The following ADAM28 variants were observed in gnomAD, a reference collection of about 807,000 sequenced individuals.
The protein encoded by ADAM28 is ADAM metallopeptidase domain 28, also known as disintegrin and metalloproteinase domain-containing protein 28.
A neutral mutation model predicts 101.2 loss-of-function variants in ADAM28; 105 were observed. The observed-to-expected ratio is 1.04, with a 90% CI of 0.89 to 1.22. ADAM28 has a LOEUF of 1.22. Ranked by LOEUF, ADAM28 falls within the 50% of genes most tolerant of loss-of-function variation. The pLI is 0.00. For missense variants in ADAM28, 1,028 were observed against 945.4 expected, an observed-to-expected ratio of 1.09 and a Z score of -1.15; for synonymous variants, 322 against 310.6, an observed-to-expected ratio of 1.04 and a Z score of -0.39.
intron 2 of ADAM28, among the ~76,000 whole-genome samples, chr8:24,304,116 T>C (rs1013393157): frequency 6.6e-6 from 1 of 151,480 alleles, no homozygotes; most frequent in African/African-American, 2.4e-5. Flanking sequence ...AAGTGAAGTG[T>C]TTTTAATCAC....
Position 24,356,617 on chromosome 8 carries a change from C to G in ADAM28, c.*2213C>G, listed in dbSNP as rs140292306. On this transcript the variant is annotated 3_prime_UTR_variant, in exon 23 of 23. Transcript: ENST00000265769. ...CAACTGCAGAATAGTTTAGAACAGA[C>G]TTTTTGATTTCACAATACTGTTTCC... The G allele has an allele frequency of 3.8e-3, 580 of 152,228 alleles. 2 individuals carry two copies. Among genetic ancestry groups the G allele is most frequent in the African/African-American group, 0.013 (553 of 41,550 alleles). 9.4% of individuals were successfully genotyped at this position (152,228 alleles called of 1,614,324 possible).
intron 2 of ADAM28, among the ~76,000 whole-genome samples, chr8:24,305,741 A>C (rs1809520897): frequency 1.3e-5 from 2 of 152,158 alleles, no homozygotes; most frequent in South Asian, 4.1e-4. Context: ...TTACATTTCC[A>C]AGTTCTCTCC....
rs747916878 is a variant in ADAM28 at position 24,339,446 on chromosome 8, C to T, written c.1568-20C>T. 3.2e-6 allele frequency: 5 copies of T among 1,581,062 alleles called. No homozygotes were observed. Among genetic ancestry groups the T allele is most frequent in the Admixed American group, 1.7e-5 (1 of 58,896 alleles). On this transcript the variant is annotated intron_variant, in intron 14 of 22. Transcript: ENST00000265769. ...TCAAAAATCTATTTTCTTTTCCCTG[C>T]TGACTGATCCTGGTCCCAGGAACTG...
intron 9 of ADAM28, among the ~76,000 whole-genome samples, chr8:24,325,292 TC>T (rs1812391046): frequency 6.6e-6 from 1 of 151,938 alleles, no homozygotes; most frequent in South Asian, 2.1e-4. Context: ...AAGAATAGAT[TC>T]CTTGAAGAGA....
At chr8:24,345,688 C>A (rs1479020162) in intron 18 of ADAM28, among the ~76,000 whole-genome samples, 2 of 151,762 alleles carry the variant, frequency 1.3e-5, no homozygotes. Flanking sequence ...TATTTTATAC[C>A]TAATCTTTTG....
chr8:24,333,691 G>T (rs111993959), intron 13 of ADAM28, among the ~76,000 whole-genome samples: 2,162 of 152,160 alleles, frequency 0.014, 54 homozygotes, highest in African/African-American at 0.049. Context: ...GGTGGAAGAG[G>T]TTTTATTCTG....
At chr8:24,329,245 G>A (rs1253753534) in intron 10 of ADAM28, among the ~76,000 whole-genome samples, 2 of 152,220 alleles carry the variant, frequency 1.3e-5, no homozygotes, top group Non-Finnish European at 2.9e-5. Context: ...TGCCACTCTT[G>A]TACTGTTCTT....
At chr8:24,339,689 A>G in intron 15 of ADAM28, 121 bp downstream of exon 15, 2 of 839,088 alleles carry the variant, frequency 2.4e-6, no homozygotes, top group South Asian at 3.5e-5. Flanking sequence ...TCATTTGACA[A>G]ACATTTATTG....
At chr8:24,323,739 G>A in intron 8 of ADAM28, 95 bp from the exon 9 acceptor site, 1 of 1,254,172 alleles carries the variant, frequency 8.0e-7, no homozygotes, top group Non-Finnish European at 1.1e-6. Flanking sequence ...TTATACTGCT[G>A]TGATGAATGT....
intron 4 of ADAM28, 38 bp downstream of exon 4, chr8:24,310,279 T>G (rs1471790359): frequency 6.3e-7 from 1 of 1,584,688 alleles, no homozygotes; most frequent in South Asian, 1.1e-5. Flanking sequence ...ATTAGGGTTT[T>G]ACCCACAGAC....
At chr8:24,299,919 G>A in intron 1 of ADAM28, 55 bp from the exon 2 acceptor site, 1 of 1,402,858 alleles carries the variant, frequency 7.1e-7, no homozygotes, top group Non-Finnish European at 9.9e-7. Flanking sequence ...GGCCTTTACT[G>A]ACCAGCCTAC....
chr8:24,326,557 A>G lies in ADAM28; in HGVS notation c.894A>G (p.Ala298=), dbSNP rs960873144. ...KRHDIAQLIT[A]TELAGTTVGL... Reference sequence around the variant, plus strand: ...TCAATTTATTCCTTTCTTGCAGAGCAACAGAACTTGCTGGAACGACTGTGG... The same window carrying G: ...TCAATTTATTCCTTTCTTGCAGAGCGACAGAACTTGCTGGAACGACTGTGG... Residue 298 remains alanine, a synonymous_variant, in exon 10 of 23, where the codon GCA becomes GCG. Transcript: ENST00000265769. 6.2e-7 allele frequency: 1 copy of G among 1,611,568 alleles called. No homozygotes were observed. The highest frequency in any genetic ancestry group is 1.3e-5 in the African/African-American group (1 of 74,780).
In ADAM28 at chr8:24,329,880, TGTGTGTGAGAGA is replaced by T. The variant is rs1199322245; in HGVS notation, c.973-103_973-92del. ...GTGTGTGTGTGTGTTTGTGTGTGTG[TGTGTGTGAGAGA>T]GAGAGAGAGAGAGAGAGAGAGAGAT... On this transcript the variant is annotated intron_variant, in intron 10 of 22. Transcript: ENST00000265769. 21 of 950,152 alleles carry T rather than the reference TGTGTGTGAGAGA, an allele frequency of 2.2e-5. No homozygotes were observed. In the African/African-American group the frequency reaches 2.4e-4, roughly 11 times the overall value. 58.9% of individuals were successfully genotyped at this position (950,152 alleles called of 1,614,324 possible). A position where few individuals can be genotyped will look rare whatever the true frequency, so the allele number is the denominator to read the frequency against.
intron 6 of ADAM28, among the ~76,000 whole-genome samples, chr8:24,314,768 T>C (rs1260016681): frequency 4.0e-5 from 6 of 151,706 alleles, no homozygotes; most frequent in African/African-American, 1.2e-4. Flanking sequence ...AAGAAATATA[T>C]AATATAAAAT....
chr8:24,336,169 A>G (rs1251639307), intron 14 of ADAM28: 1 of 985,260 alleles, frequency 1.0e-6, no homozygotes, highest in African/African-American at 1.7e-5. Context: ...AAGTTCTTAA[A>G]TGGTCGCTTT....
At chr8:24,349,824 G>A in intron 18 of ADAM28, 40 bp from the exon 19 acceptor site, 1 of 1,514,688 alleles carries the variant, frequency 6.6e-7, no homozygotes, top group Admixed American at 1.7e-5. Flanking sequence ...GCAGATGTGT[G>A]TTTCTGCAGT....
At position 24,351,242 on chromosome 8, in the gene ADAM28, A is replaced by C. The variant is rs1319756953; in HGVS notation, c.2110A>C (p.Thr704Pro). ...KQKKDQRPLS[T>P]TGTRPHKQKR... ...GTTTCTCTCTTACAGGCCACTATCT[A>C]CCACTGGCACCAGGCCACACAAACA... Residue 704 changes from threonine (T) to proline (P), a missense_variant, in exon 20 of 23, where the codon ACC becomes CCC. By Grantham distance (38) the Thr-to-Pro change is conservative. Coordinates refer to ENST00000265769, the MANE Select transcript of ADAM28 (RefSeq NM_014265.6). 1.9e-6 allele frequency: 3 copies of C among 1,602,118 alleles called. No homozygotes were observed. Among genetic ancestry groups the C allele is most frequent in the South Asian group, 1.1e-5 (1 of 88,866 alleles).
chr8:24,300,154 G>T, intron 2 of ADAM28, 77 bp downstream of exon 2: 18 of 1,178,440 alleles, frequency 1.5e-5, no homozygotes, highest in Non-Finnish European at 2.2e-5. Context: ...TCTATGATGA[G>T]AGATAGATAT....
intron 11 of ADAM28, among the ~76,000 whole-genome samples, chr8:24,330,776 G>A (rs1399703029): frequency 6.6e-6 from 1 of 152,106 alleles, no homozygotes; most frequent in Non-Finnish European, 1.5e-5. Flanking sequence ...ATCTTTATCT[G>A]TAGGATGAAG....
Sources: allele counts gnomAD v4.1 joint callset (sites outside exome capture counted in the v4.1 genomes callset), GRCh38; gene constraint gnomAD v4.1.1; transcripts MANE v1.5; gene names NCBI Gene and HGNC (gene_info 2026-07-23, HGNC 2026-07-21).